DLGAP3: variants seen among roughly 807,000 people sequenced by gnomAD.
The protein encoded by DLGAP3 is DLG associated protein 3.
Under a neutral mutation model 81.2 loss-of-function variants are expected in DLGAP3, and 17 were observed. That is an observed-to-expected ratio of 0.21 (90% CI 0.14 to 0.31). The LOEUF (loss-of-function observed/expected upper bound fraction) is 0.31, where lower values mean the gene tolerates loss of function less well. Ranked by LOEUF, DLGAP3 falls within the 10% of genes least tolerant of loss-of-function variation. The pLI, the probability that DLGAP3 is intolerant of heterozygous loss-of-function variation, is 1.00. For synonymous variants in DLGAP3, 577 were observed against 587.4 expected (o/e 0.98, Z 0.26); for missense variants, 1,124 against 1,388.0 (o/e 0.81, Z 3.02).
chr1:34,888,675 A>T (rs4653113), intron 5 of DLGAP3, among the ~76,000 whole-genome samples: 1 of 152,168 alleles, frequency 6.6e-6, no homozygotes, highest in Non-Finnish European at 1.5e-5. Flanking sequence ...AAATCAATCC[A>T]AGACCCCGCA....
chr1:34,885,904 C>G, intron 6 of DLGAP3, 113 bp from the exon 7 acceptor site: 1 of 1,140,606 alleles, frequency 8.8e-7, no homozygotes. Flanking sequence ...TGCAGCGGCG[C>G]GCACTCCACA....
In DLGAP3 at chr1:34,897,780, A is replaced by T. The variant is rs1276975444; in HGVS notation, c.1386+1889T>A. Among the ~76,000 whole-genome samples the T allele has an allele frequency of 2.0e-5, 3 of 152,352 alleles. No homozygotes were observed. In the East Asian group the frequency reaches 5.8e-4, roughly 29 times the overall value. ...ACAAAAGGACATGGTGCCTGGAAGAACCGGTGGCAGTGGAGATGGTGAGGA... is the reference window on the plus strand; with the variant it reads ...ACAAAAGGACATGGTGCCTGGAAGATCCGGTGGCAGTGGAGATGGTGAGGA... On this transcript the variant is annotated intron_variant, in intron 5 of 11. Coordinates refer to ENST00000373347, the MANE Select transcript of DLGAP3 (RefSeq NM_001080418.3).
intron 5 of DLGAP3, among the ~76,000 whole-genome samples, chr1:34,887,915 G>A (rs1423173386): frequency 1.3e-5 from 2 of 152,192 alleles, no homozygotes; most frequent in Admixed American, 6.5e-5. Flanking sequence ...GTAAGCCCTC[G>A]GCTAGCGGCA....
At chr1:34,894,762 G>A (rs1018441118) in intron 5 of DLGAP3, among the ~76,000 whole-genome samples, 4 of 152,080 alleles carry the variant, frequency 2.6e-5, no homozygotes, top group African/African-American at 4.8e-5. Flanking sequence ...GATGTAAGGA[G>A]GTAAAGTGAG....
At chr1:34,881,493 G>A (rs916300794) in intron 8 of DLGAP3, among the ~76,000 whole-genome samples, 3 of 152,186 alleles carry the variant, frequency 2.0e-5, no homozygotes, top group Admixed American at 1.3e-4. Context: ...TGCTCAGAAT[G>A]CAGACATGAC....
intron 8 of DLGAP3, among the ~76,000 whole-genome samples, chr1:34,878,563 A>G (rs1320290677): frequency 6.6e-6 from 1 of 152,120 alleles, no homozygotes; most frequent in African/African-American, 2.4e-5. Context: ...TAAACAGCAC[A>G]CTCTCAAACT....
At chr1:34,892,712 T>C (rs1025437211) in intron 5 of DLGAP3, among the ~76,000 whole-genome samples, 1 of 152,118 alleles carries the variant, frequency 6.6e-6, no homozygotes, top group Non-Finnish European at 1.5e-5. Flanking sequence ...CAAAAAACAT[T>C]AGAGATCAAA....
At chr1:34,892,476 CTT>C (rs1431439283) in intron 5 of DLGAP3, among the ~76,000 whole-genome samples, 2 of 152,232 alleles carry the variant, frequency 1.3e-5, no homozygotes, top group South Asian at 4.1e-4. Flanking sequence ...TAGCCAAAAA[CTT>C]TCCTTTTGTT....
intron 8 of DLGAP3, among the ~76,000 whole-genome samples, chr1:34,874,857 G>A (rs1230717835): frequency 6.6e-6 from 1 of 151,974 alleles, no homozygotes; most frequent in East Asian, 1.9e-4. Context: ...GGGGAAGGAC[G>A]GTGTCATTTC....
intron 4 of DLGAP3, 135 bp downstream of exon 4, chr1:34,899,933 A>T: frequency 2.2e-6 from 2 of 909,034 alleles, no homozygotes; most frequent in Non-Finnish European, 3.5e-6. Context: ...CCCTCCCTTT[A>T]CATGGAGTGG....
intron 1 of DLGAP3, among the ~76,000 whole-genome samples, chr1:34,926,594 G>A (rs1034713663): frequency 9.2e-5 from 14 of 152,188 alleles, no homozygotes; most frequent in African/African-American, 2.4e-4. Context: ...TTTCCTGACC[G>A]TGGGGATGGT....
At chr1:34,915,351 T>A (rs1405262653) in intron 1 of DLGAP3, among the ~76,000 whole-genome samples, 1 of 152,198 alleles carries the variant, frequency 6.6e-6, no homozygotes, top group Non-Finnish European at 1.5e-5. Flanking sequence ...CGTGCTGCCC[T>A]AGCTTCCAGG....
intron 8 of DLGAP3, among the ~76,000 whole-genome samples, chr1:34,875,257 G>A (rs1189645919): frequency 6.6e-6 from 1 of 152,212 alleles, no homozygotes; most frequent in East Asian, 1.9e-4. Context: ...GTTAAGGAAA[G>A]GGTAGGCAGG....
In DLGAP3 at chr1:34,868,457, C is replaced by T; in HGVS notation, c.2485+148G>A. 1.4e-6 allele frequency: 1 copy of T among 719,352 alleles called. No homozygotes were observed. The highest frequency in any genetic ancestry group is 2.5e-6 in the Non-Finnish European group (1 of 401,670). 44.6% of individuals were successfully genotyped at this position (719,352 alleles called of 1,614,324 possible). On this transcript the variant is annotated intron_variant, in intron 9 of 11. Transcript: ENST00000373347. This position sits in a 1 kb window ranked among gnomAD's most constrained non-coding sequence, Gnocchi z 7.5. ...AGCATGTCTTGCTGCCGATGTTGAC[C>T]CGCCACGCTCCAGTGCAGAAGACCA...
In DLGAP3 at chr1:34,904,750, G is replaced by A; in HGVS notation, c.634C>T (p.Pro212Ser). ...GRGGSGGDSY[P>S]GPGSGGPHTS... ...TGGGGGCCTCCAGAGCCCGGGCCGG[G>A]GTAGCTGTCTCCTCCAGAGCCACCT... Residue 212 changes from proline to serine, a missense_variant, in exon 3 of 12, where the codon CCC becomes TCC. Transcript: ENST00000373347. This position sits in a 1 kb window ranked among gnomAD's most constrained non-coding sequence, Gnocchi z 8.1. 1 of 1,611,696 alleles carries A rather than the reference G, an allele frequency of 6.2e-7. No individual in the cohort carries two copies. The highest frequency in any genetic ancestry group is 8.5e-7 in the Non-Finnish European group (1 of 1,180,028).
At chr1:34,884,254 T>C (rs1639187137) in intron 8 of DLGAP3, among the ~76,000 whole-genome samples, 1 of 151,994 alleles carries the variant, frequency 6.6e-6, no homozygotes, top group Non-Finnish European at 1.5e-5. Context: ...TCGTATGGCC[T>C]GGGAAGCTCA....
At position 34,905,310 on chromosome 1, in the gene DLGAP3, A is replaced by G; in HGVS notation, c.74T>C (p.Val25Ala). Residue 25 changes from valine (V) to alanine (A), a missense_variant, in exon 3 of 12, where the codon GTG becomes GCG. Around this residue, in one of 9 missense-constraint regions of DLGAP3, gnomAD observed 167 missense variants for 172.1 expected, o/e 0.97. Coordinates refer to ENST00000373347, the MANE Select transcript of DLGAP3 (RefSeq NM_001080418.3). Reference protein sequence around the residue: ...ARFADQQHMDVGPAARAPYLL... With the variant: ...ARFADQQHMDAGPAARAPYLL... ...GTATGGGGCCCTGGCAGCAGGGCCCACGTCCATATGCTGTTGGTCAGCAAA... is the reference window on the plus strand; with the variant it reads ...GTATGGGGCCCTGGCAGCAGGGCCCGCGTCCATATGCTGTTGGTCAGCAAA... 6.4e-7 allele frequency: 1 copy of G among 1,563,616 alleles called. No individual in the cohort carries two copies.
intron 1 of DLGAP3, among the ~76,000 whole-genome samples, chr1:34,922,427 T>C (rs1317987171): frequency 6.6e-6 from 1 of 152,170 alleles, no homozygotes; most frequent in Non-Finnish European, 1.5e-5. Flanking sequence ...TGTGTACATA[T>C]ATTCATATGT....
intron 11 of DLGAP3, 51 bp downstream of exon 11, chr1:34,866,997 G>A (rs747075956): frequency 1.9e-6 from 3 of 1,608,848 alleles, no homozygotes; most frequent in South Asian, 2.2e-5. Context: ...TCTCTGGGGA[G>A]GGGAATTTCC....
Sources: gnomAD v4.1 joint callset for allele counts (sites outside exome capture counted in the v4.1 genomes callset) on GRCh38, gnomAD v4.1.1 for gene constraint, gnomAD v4.1.1 regional missense constraint, Gnocchi (gnomAD v3.1) non-coding constraint, MANE v1.5 for transcripts, NCBI Gene and HGNC (gene_info 2026-07-23, HGNC 2026-07-21) for gene names.